Variants in PCDHA4 observed in about 807,000 individuals in gnomAD.
The protein encoded by PCDHA4 is protocadherin alpha 4.
PCDHA4 carries 49 observed loss-of-function variants against 61.4 expected under a neutral mutation model. The ratio of observed to expected loss-of-function variants is 0.80; its 90% confidence interval spans 0.63 to 1.01. PCDHA4 has a LOEUF of 1.01. PCDHA4 is among the 50% of genes least tolerant of loss of function. The probability of loss-of-function intolerance (pLI) is 0.00; values close to 1 mark genes in which losing one functional copy is unlikely to be tolerated. For synonymous variants in PCDHA4, 590 were observed against 550.3 expected (o/e 1.07, Z -1.01); for missense variants, 1,254 against 1,235.8 (o/e 1.01, Z -0.22).
intron 1 of PCDHA4, among the ~76,000 whole-genome samples, chr5:140,921,791 A>G (rs1170709759): frequency 3.9e-5 from 6 of 152,160 alleles, no homozygotes; most frequent in Non-Finnish European, 5.9e-5. Context: ...GATGTTCTAG[A>G]TAACACAAGA....
chr5:141,001,849 T>C (rs889682000), intron 3 of PCDHA4, among the ~76,000 whole-genome samples: 5 of 151,704 alleles, frequency 3.3e-5, no homozygotes, highest in African/African-American at 7.3e-5. Context: ...GAGAGAGAGG[T>C]TGATTAAATT....
chr5:141,009,374 G>C (rs567366098), intron 3 of PCDHA4, among the ~76,000 whole-genome samples: 1 of 152,216 alleles, frequency 6.6e-6, no homozygotes, highest in African/African-American at 2.4e-5. Context: ...TGGGAGGATT[G>C]ATTGAGCACA....
intron 1 of PCDHA4, chr5:140,830,263 G>T: frequency 6.2e-7 from 1 of 1,613,640 alleles, no homozygotes; most frequent in African/African-American, 1.3e-5. Flanking sequence ...TGCGGTGCTC[G>T]GCGCCACCCA....
intron 1 of PCDHA4, among the ~76,000 whole-genome samples, chr5:140,916,824 T>C (rs1207821220): frequency 6.6e-6 from 1 of 152,124 alleles, no homozygotes; most frequent in Non-Finnish European, 1.5e-5. Context: ...GCCACCCCTA[T>C]CCCTCTGGTT....
At position 140,963,599 on chromosome 5, in the gene PCDHA4, C is replaced by T. The variant is rs968307291; in HGVS notation, c.2386-15350C>T. On this transcript the variant is annotated intron_variant, in intron 1 of 3. Coordinates refer to ENST00000530339, the MANE Select transcript of PCDHA4 (RefSeq NM_018907.4). ...TCAAAATGTAGGATATAGTTCTAGA[C>T]GTAATTGGGAAAGCTTAACTTTGTT... Among the ~76,000 whole-genome samples, 9 of 152,254 alleles carry T rather than the reference C, an allele frequency of 5.9e-5. No individual in the cohort carries two copies. The South Asian group carries it at 1.0e-3, about 18-fold the overall frequency.
intron 1 of PCDHA4, chr5:140,864,637 A>G (rs1554159030): frequency 6.6e-6 from 1 of 152,220 alleles, no homozygotes; most frequent in East Asian, 1.9e-4. Flanking sequence ...AAACAAAACA[A>G]AACAATGTCA....
At chr5:140,966,792 C>T (rs1182470326) in intron 1 of PCDHA4, 4 of 1,530,564 alleles carry the variant, frequency 2.6e-6, no homozygotes, top group Non-Finnish European at 2.6e-6. Context: ...ACCAGACCTG[C>T]GGCGACAGAG....
intron 1 of PCDHA4, chr5:140,869,751 C>G: frequency 1.2e-6 from 2 of 1,613,134 alleles, no homozygotes. Flanking sequence ...CAGCTACAGA[C>G]GGGGGAAAAC....
At chr5:140,866,264 G>C (rs908649642) in intron 1 of PCDHA4, 1 of 152,052 alleles carries the variant, frequency 6.6e-6, no homozygotes, top group Admixed American at 6.5e-5. Flanking sequence ...TTTCTTTACT[G>C]TGAATAAAGA....
chr5:140,924,050 A>T (rs1554201725), intron 1 of PCDHA4, among the ~76,000 whole-genome samples: 1 of 152,250 alleles, frequency 6.6e-6, no homozygotes, highest in African/African-American at 2.4e-5. Flanking sequence ...AAAGTTCGGT[A>T]CATCTTTACA....
At position 140,843,005 on chromosome 5, in the gene PCDHA4, G is replaced by C; in HGVS notation, c.2385+33433G>C. On this transcript the variant is annotated intron_variant, in intron 1 of 3. Transcript: ENST00000530339. ...GTTCGTGCTGGACGAGAATGACAAC[G>C]CGCCGGCACTGCTGGAGCCTCGGGT... The C allele has an allele frequency of 5.0e-6, 8 of 1,595,030 alleles. 1 individual carries two copies. The highest frequency in any genetic ancestry group is 1.1e-5 in the South Asian group (1 of 90,516).
chr5:140,967,024 T>G, intron 1 of PCDHA4: 1 of 1,608,238 alleles, frequency 6.2e-7, no homozygotes, highest in Non-Finnish European at 8.5e-7. Flanking sequence ...GTGCGCCCAG[T>G]CCGCGCTACC....
intron 1 of PCDHA4, among the ~76,000 whole-genome samples, chr5:140,951,495 G>A (rs1554219919): frequency 1.3e-5 from 2 of 151,958 alleles, no homozygotes; most frequent in African/African-American, 4.8e-5. Context: ...ATGGTGGAAG[G>A]CAAAAGGAAA....
chr5:140,828,011 G>A, intron 1 of PCDHA4: 1 of 1,508,268 alleles, frequency 6.6e-7, no homozygotes, highest in Admixed American at 2.2e-5. Context: ...AGAAGAAATG[G>A]ATTAATAAAT....
At chr5:140,843,828 T>G (rs1779111398) in intron 1 of PCDHA4, 1 of 1,176,020 alleles carries the variant, frequency 8.5e-7, no homozygotes, top group South Asian at 1.5e-5. Context: ...ATTTAAACAT[T>G]GTTTAGTTTT....
At chr5:140,870,543 C>T (rs1554164396) in intron 1 of PCDHA4, 6 of 1,614,114 alleles carry the variant, frequency 3.7e-6, no homozygotes, top group South Asian at 1.1e-5. Context: ...CGGCGCGGGA[C>T]GCGGACGCGC....
intron 1 of PCDHA4, chr5:140,823,804 G>C (rs782334570): frequency 1.2e-6 from 2 of 1,613,694 alleles, no homozygotes; most frequent in Non-Finnish European, 1.7e-6. Flanking sequence ...GGCGCCGAAG[G>C]CCTCATCGCG....
chr5:140,900,840 T>A (rs6874218), intron 1 of PCDHA4, among the ~76,000 whole-genome samples: 3 of 151,950 alleles, frequency 2.0e-5, no homozygotes, highest in Non-Finnish European at 4.4e-5. Context: ...ATGTACAAAG[T>A]TTCCCTTTTT....
intron 1 of PCDHA4, among the ~76,000 whole-genome samples, chr5:140,873,728 T>C (rs1208346643): frequency 6.6e-6 from 1 of 152,190 alleles, no homozygotes; most frequent in African/African-American, 2.4e-5. Flanking sequence ...TGGCGCAATC[T>C]CAGCTCACTG....
Sources: allele counts gnomAD v4.1 joint callset (sites outside exome capture counted in the v4.1 genomes callset), GRCh38; gene constraint gnomAD v4.1.1; transcripts MANE v1.5; gene names NCBI Gene and HGNC (gene_info 2026-07-23, HGNC 2026-07-21).